The following SPINK4 variants were observed in gnomAD, a reference collection of about 807,000 sequenced individuals.
SPINK4 encodes serine peptidase inhibitor Kazal type 4.
Under a neutral mutation model 12.3 loss-of-function variants are expected in SPINK4, and 10 were observed. That is an observed-to-expected ratio of 0.81 (90% CI 0.50 to 1.37). SPINK4 has a LOEUF of 1.37. Among genes scored for constraint, SPINK4 ranks in the 40% most tolerant of loss-of-function variants. SPINK4 has a pLI of 0.00. For missense variants in SPINK4, 91 were observed against 109.0 expected (o/e 0.84, Z 0.73); for synonymous variants, 37 against 40.2 (o/e 0.92, Z 0.30).
chr9:33,241,563 G>A (rs1627061), intron 1 of SPINK4, among the ~76,000 whole-genome samples: 1 of 152,234 alleles, frequency 6.6e-6, no homozygotes, highest in Admixed American at 6.5e-5. Context: ...AAAGGGAAAC[G>A]GGTCTGGGGA....
intron 2 of SPINK4, among the ~76,000 whole-genome samples, chr9:33,245,840 A>C (rs898135809): frequency 6.6e-6 from 1 of 152,206 alleles, no homozygotes; most frequent in African/African-American, 2.4e-5. Context: ...TGTGAGAGAA[A>C]CGCCACTATT....
chr9:33,245,046 T>C, intron 1 of SPINK4, 66 bp from the exon 2 acceptor site: 1 of 1,522,622 alleles, frequency 6.6e-7, no homozygotes, highest in South Asian at 1.2e-5. Flanking sequence ...GCAGAAGCAG[T>C]CCTCAGACCC....
At chr9:33,245,433 G>T (rs765083948) in intron 2 of SPINK4, among the ~76,000 whole-genome samples, 24 of 152,138 alleles carry the variant, frequency 1.6e-4, no homozygotes, top group Admixed American at 3.3e-4. Context: ...CCCCACCCAG[G>T]CTTAGCAGGA....
At chr9:33,243,677 G>A (rs1356039770) in intron 1 of SPINK4, among the ~76,000 whole-genome samples, 1 of 152,142 alleles carries the variant, frequency 6.6e-6, no homozygotes, top group Non-Finnish European at 1.5e-5. Context: ...CCTGTTGAAG[G>A]ACATTTGGAT....
chr9:33,240,429 C>A (rs1161821177), intron 1 of SPINK4, among the ~76,000 whole-genome samples, 160 bp downstream of exon 1: 1 of 152,202 alleles, frequency 6.6e-6, no homozygotes, highest in Non-Finnish European at 1.5e-5. Flanking sequence ...AAGTTCTGGG[C>A]TGGGAGAAAA....
At chr9:33,246,125 C>T (rs1820282532) in intron 2 of SPINK4, among the ~76,000 whole-genome samples, 1 of 152,168 alleles carries the variant, frequency 6.6e-6, no homozygotes, top group African/African-American at 2.4e-5. Flanking sequence ...ACTTTGCAGC[C>T]TTTCTGACAT....
chr9:33,248,022 G>T, intron 3 of SPINK4: 1 of 187,470 alleles, frequency 5.3e-6, no homozygotes, highest in South Asian at 1.3e-4. Flanking sequence ...GGGCTTGGGT[G>T]GCCAGTGGTT....
chr9:33,240,919 A>G (rs1183110930), intron 1 of SPINK4, among the ~76,000 whole-genome samples: 1 of 152,242 alleles, frequency 6.6e-6, no homozygotes, highest in Non-Finnish European at 1.5e-5. Context: ...GGTAGAGGAA[A>G]AGGGGAAAGG....
At chr9:33,244,994 A>C in intron 1 of SPINK4, 118 bp from the exon 2 acceptor site, 5 of 894,920 alleles carry the variant, frequency 5.6e-6, no homozygotes, top group African/African-American at 1.7e-5. Context: ...CCTTTCCTTG[A>C]GGAATTCCAG....
chr9:33,246,900 T>C (rs1157473058), intron 3 of SPINK4, among the ~76,000 whole-genome samples, 172 bp downstream of exon 3: 5 of 152,028 alleles, frequency 3.3e-5, no homozygotes, highest in African/African-American at 1.2e-4. Flanking sequence ...AGAAGGCACA[T>C]GGTTCCAAGC....
intron 1 of SPINK4, among the ~76,000 whole-genome samples, chr9:33,243,064 ATTTT>A (rs1282418413): frequency 3.3e-5 from 5 of 151,510 alleles, no homozygotes; most frequent in Admixed American, 1.3e-4. Flanking sequence ...TTTTAAATTT[ATTTT>A]TATTTATTTA....
At chr9:33,248,276 G>C in intron 3 of SPINK4, 150 bp from the exon 4 acceptor site, 1 of 690,754 alleles carries the variant, frequency 1.4e-6, no homozygotes, top group Non-Finnish European at 2.4e-6. Context: ...AGAAGGATGT[G>C]CCCATGGACC....
chr9:33,242,751 C>T (rs1315918114), intron 1 of SPINK4, among the ~76,000 whole-genome samples: 2 of 152,116 alleles, frequency 1.3e-5, no homozygotes, highest in Admixed American at 6.5e-5. Flanking sequence ...AACCCAAACC[C>T]CCATCAAGAT....
intron 3 of SPINK4, among the ~76,000 whole-genome samples, chr9:33,247,106 T>C (rs1238243408): frequency 6.6e-6 from 1 of 151,746 alleles, no homozygotes; most frequent in East Asian, 1.9e-4. Flanking sequence ...TTCTGGAACA[T>C]ACAATTGGTG....
At chr9:33,248,341 T>G in intron 3 of SPINK4, 85 bp from the exon 4 acceptor site, 2 of 1,434,080 alleles carry the variant, frequency 1.4e-6, no homozygotes, top group Non-Finnish European at 2.0e-6. Context: ...CTCAGCAGGA[T>G]GTCTGGATGG....
At position 33,243,298 on chromosome 9, in the gene SPINK4, C is replaced by G. The variant is rs57643340; in HGVS notation, c.62-1814C>G. ...ATGTTGGTCAGGCTGGTCTCGAACT[C>G]CTGACTTCAGGTGATCCACCTGCCT... On this transcript the variant is annotated intron_variant, in intron 1 of 3. Coordinates refer to ENST00000379721, the MANE Select transcript of SPINK4 (RefSeq NM_014471.3). Among the ~76,000 whole-genome samples, 975 of 152,192 alleles carry G rather than the reference C, an allele frequency of 6.4e-3. 6 individuals are homozygous for G. The highest frequency in any genetic ancestry group is 0.022 in the African/African-American group (929 of 41,520).
rs368926649 is a variant in SPINK4, at chr9:33,240,329, G to A, written c.61+60G>A. The A allele has an allele frequency of 8.7e-5, 130 of 1,502,722 alleles. No individual in the cohort carries two copies. In the African/African-American group the frequency reaches 1.7e-3, roughly 20 times the overall value. 93.1% of individuals were successfully genotyped at this position (1,502,722 alleles called of 1,614,324 possible). ...GTGTTGGTAGGTGAGCTTGGGGTGA[G>A]AGCAGAAGCAGGGCCTGGAGCACCC... On this transcript the variant is annotated intron_variant, in intron 1 of 3. Transcript: ENST00000379721.
Position 33,248,535 on chromosome 9 carries a change from T to C in SPINK4, c.*64T>C. ...AGAACAGTGGTGGGCATGGAGAGGA[T>C]ATGACATGAAATAAAAGATCCAGCC... On this transcript the variant is annotated 3_prime_UTR_variant, in exon 4 of 4. Coordinates refer to ENST00000379721, the MANE Select transcript of SPINK4 (RefSeq NM_014471.3). The C allele has an allele frequency of 6.3e-7, 1 of 1,589,382 alleles. No homozygotes were observed. The highest frequency in any genetic ancestry group is 1.1e-5 in the South Asian group (1 of 89,858).
intron 3 of SPINK4, 72 bp from the exon 4 acceptor site, chr9:33,248,354 T>C (rs1820306509): frequency 6.5e-7 from 1 of 1,534,986 alleles, no homozygotes; most frequent in African/African-American, 1.4e-5. Flanking sequence ...CTGGATGGAC[T>C]GTGCCAGGTC....
Sources: gnomAD v4.1 joint callset for allele counts (sites outside exome capture counted in the v4.1 genomes callset) on GRCh38, gnomAD v4.1.1 for gene constraint, MANE v1.5 for transcripts, NCBI Gene and HGNC (gene_info 2026-07-23, HGNC 2026-07-21) for gene names.